CDH4: variants seen among roughly 807,000 people sequenced by gnomAD.
CDH4 encodes cadherin 4.
A neutral mutation model predicts 86.0 loss-of-function variants in CDH4; 33 were observed. The ratio of observed to expected loss-of-function variants is 0.38; its 90% CI spans 0.29 to 0.51. The LOEUF (loss-of-function observed/expected upper bound fraction) is 0.51, where lower values mean the gene tolerates loss of function less well. Ranked by LOEUF, CDH4 falls within the 20% of genes least tolerant of loss-of-function variation. The pLI is 0.86. For synonymous variants in CDH4, 555 were observed against 549.4 expected, an observed-to-expected ratio of 1.01 and a Z score of -0.14; for missense variants, 1,114 against 1,307.4, an observed-to-expected ratio of 0.85 and a Z score of 2.28.
intron 2 of CDH4, among the ~76,000 whole-genome samples, chr20:61,535,672 C>T (rs1006065067): frequency 4.6e-5 from 7 of 152,174 alleles, no homozygotes; most frequent in Admixed American, 6.5e-5. Flanking sequence ...TCACCTGGTG[C>T]GGGGCCCTTC....
intron 4 of CDH4, among the ~76,000 whole-genome samples, chr20:61,838,847 GAA>G (rs1982002793): frequency 6.3e-5 from 3 of 47,678 alleles, no homozygotes; most frequent in South Asian, 1.5e-3. Flanking sequence ...AAGAAAGAAA[GAA>G]AAGGAAAAGG....
intron 4 of CDH4, among the ~76,000 whole-genome samples, chr20:61,778,973 C>T (rs1027195376): frequency 6.6e-6 from 1 of 152,178 alleles, no homozygotes; most frequent in Non-Finnish European, 1.5e-5. Context: ...TCAGGAACCA[C>T]CAAGCAATCC....
chr20:61,616,991 G>C (rs1432549579), intron 2 of CDH4, among the ~76,000 whole-genome samples: 1 of 152,174 alleles, frequency 6.6e-6, no homozygotes, highest in Non-Finnish European at 1.5e-5. Context: ...GGAAAACAGA[G>C]GAACAAATAG....
At position 61,653,669 on chromosome 20, in the gene CDH4, A is replaced by G. The variant is rs1196218801; in HGVS notation, c.170-89894A>G. Among the ~76,000 whole-genome samples the G allele has an allele frequency of 7.4e-4, 51 of 69,286 alleles. 1 individual carries two copies. Among genetic ancestry groups the G allele is most frequent in the Admixed American group, 1.3e-3 (9 of 6,918 alleles). The allele number at this position is 69,286 out of a possible 152,430, so 45.5% of individuals were successfully genotyped here. ...CTGAGGGGCTCCTCACTTCTCAGACAGGGCGGCCGGGCAGAGACGCTCCTC... is the reference window on the plus strand; with the variant it reads ...CTGAGGGGCTCCTCACTTCTCAGACGGGGCGGCCGGGCAGAGACGCTCCTC... On this transcript the variant is annotated intron_variant, in intron 2 of 15. Coordinates refer to ENST00000614565, the MANE Select transcript of CDH4 (RefSeq NM_001794.5).
At chr20:61,491,624 CTGT>C (rs2085626175) in intron 2 of CDH4, among the ~76,000 whole-genome samples, 1 of 152,208 alleles carries the variant, frequency 6.6e-6, no homozygotes, top group African/African-American at 2.4e-5. Context: ...CATTGTCTCT[CTGT>C]TGTTTTGGCC....
intron 2 of CDH4, among the ~76,000 whole-genome samples, chr20:61,343,790 T>C (rs905382137): frequency 4.6e-5 from 7 of 152,170 alleles, no homozygotes; most frequent in East Asian, 1.9e-4. Flanking sequence ...CAGATTAGCA[T>C]GATTTTAGGC....
chr20:61,375,928 GTGA>G (rs1279433619), intron 2 of CDH4, among the ~76,000 whole-genome samples: 3 of 60,238 alleles, frequency 5.0e-5, no homozygotes, highest in South Asian at 5.2e-4. Flanking sequence ...CTTGGTGCTG[GTGA>G]TGATGGTGGT....
chr20:61,771,238 G>C (rs1369799106), intron 3 of CDH4, among the ~76,000 whole-genome samples: 1 of 151,534 alleles, frequency 6.6e-6, no homozygotes, highest in African/African-American at 2.4e-5. Context: ...TCGAACTCCT[G>C]ACCTCAGGTG....
At chr20:61,752,900 G>T (rs377114543) in intron 3 of CDH4, among the ~76,000 whole-genome samples, 19 of 152,322 alleles carry the variant, frequency 1.2e-4, no homozygotes, top group Middle Eastern at 3.4e-3. Flanking sequence ...CATGCTGGGG[G>T]ACACCAGAGG....
chr20:61,908,626 C>T (rs936851291), intron 8 of CDH4, among the ~76,000 whole-genome samples: 1 of 152,074 alleles, frequency 6.6e-6, no homozygotes, highest in Non-Finnish European at 1.5e-5. Flanking sequence ...ACCCCTTCTC[C>T]GTTTCCCACC....
intron 2 of CDH4, among the ~76,000 whole-genome samples, chr20:61,692,401 A>G (rs764012687): frequency 2.8e-4 from 43 of 152,358 alleles, no homozygotes; most frequent in Non-Finnish European, 4.9e-4. Flanking sequence ...CAAAGGCATC[A>G]AGGTATTTTA....
intron 2 of CDH4, among the ~76,000 whole-genome samples, chr20:61,336,457 G>GACCTGTTTTCTCATGGC (rs1421671054): frequency 6.6e-6 from 1 of 151,990 alleles, no homozygotes; most frequent in Non-Finnish European, 1.5e-5. Flanking sequence ...TCCCTGTGGT[G>GACCTGTTTTCTCATGGC]ACCTGTTTTC....
intron 2 of CDH4, among the ~76,000 whole-genome samples, chr20:61,339,691 C>T (rs1020803774): frequency 8.5e-5 from 13 of 152,132 alleles, no homozygotes; most frequent in African/African-American, 1.9e-4. Flanking sequence ...GAAATTGTGA[C>T]GTGGGCTTCC....
At chr20:61,336,918 G>A (rs2084620329) in intron 2 of CDH4, among the ~76,000 whole-genome samples, 1 of 152,150 alleles carries the variant, frequency 6.6e-6, no homozygotes, top group Non-Finnish European at 1.5e-5. Flanking sequence ...ACTGGGGAGT[G>A]AAGACAGGTG....
At chr20:61,656,899 G>A (rs572812483) in intron 2 of CDH4, among the ~76,000 whole-genome samples, 18 of 152,278 alleles carry the variant, frequency 1.2e-4, no homozygotes, top group Admixed American at 8.5e-4. Flanking sequence ...TGTGGAGGCT[G>A]CCAGCCTTCA....
chr20:61,542,368 C>T, intron 2 of CDH4, among the ~76,000 whole-genome samples: 1 of 152,242 alleles, frequency 6.6e-6, no homozygotes, highest in African/African-American at 2.4e-5. Flanking sequence ...GTTCTCAGTC[C>T]CTCCCGCAGC....
intron 6 of CDH4, among the ~76,000 whole-genome samples, chr20:61,867,583 T>C (rs1217478117): frequency 6.8e-6 from 1 of 147,422 alleles, no homozygotes. Context: ...GAGCTTATGA[T>C]AAAATTGAGC....
At chr20:61,878,551 A>G (rs370903352) in intron 7 of CDH4, among the ~76,000 whole-genome samples, 4 of 152,188 alleles carry the variant, frequency 2.6e-5, no homozygotes, top group African/African-American at 9.7e-5. Flanking sequence ...GCCATGTCCC[A>G]GGGCCCCCGC....
In CDH4 at chr20:61,488,593, G is replaced by A. The variant is rs118086530; in HGVS notation, c.169+233656G>A. The stretch of plus-strand genomic sequence containing the variant: ...AAGTATGTACTCTATAAAAAATGTC[G>A]TGGGGCCTGACTGGTATCAAGAGGA... On this transcript the variant is annotated intron_variant, in intron 2 of 15. Transcript: ENST00000614565. Among the ~76,000 whole-genome samples the A allele has an allele frequency of 1.2e-3, 178 of 152,260 alleles. 2 individuals are homozygous for A. In the East Asian group the frequency reaches 0.027, roughly 23 times the overall value.
Sources: gnomAD v4.1 joint callset for allele counts (sites outside exome capture counted in the v4.1 genomes callset) on GRCh38, gnomAD v4.1.1 for gene constraint, MANE v1.5 for transcripts, NCBI Gene and HGNC (gene_info 2026-07-23, HGNC 2026-07-21) for gene names.